The following SAMD8 variants were observed in gnomAD, a reference collection of about 807,000 sequenced individuals.
SAMD8 encodes the protein sterile alpha motif domain containing 8.
In SAMD8, 20 loss-of-function variants were observed where a neutral mutation model predicts 42.0. The ratio of observed to expected loss-of-function variants is 0.48; its 90% CI spans 0.34 to 0.69. The LOEUF is 0.69. SAMD8 is among the 30% of genes least tolerant of loss of function. SAMD8 has a pLI of 0.01. For synonymous variants in SAMD8, 162 were observed against 173.0 expected (o/e 0.94, Z 0.50); for missense variants, 328 against 511.6 (o/e 0.64, Z 3.46).
intron 1 of SAMD8, among the ~76,000 whole-genome samples, chr10:75,115,435 T>TTACATGC (rs1848854590): frequency 6.6e-6 from 1 of 152,168 alleles, no homozygotes; most frequent in Non-Finnish European, 1.5e-5. Flanking sequence ...AGATTGGTGT[T>TTACATGC]TACATGCTAC....
chr10:75,109,361 C>T, upstream of SAMD8: 2 of 481,170 alleles, frequency 4.2e-6, no homozygotes, highest in Non-Finnish European at 3.5e-6. Flanking sequence ...ATCAGAGAGA[C>T]CTCTGCAAGT....
At chr10:75,117,457 G>A (rs901474725) in intron 1 of SAMD8, among the ~76,000 whole-genome samples, 1 of 151,690 alleles carries the variant, frequency 6.6e-6, no homozygotes, top group Non-Finnish European at 1.5e-5. Context: ...GCTCACACCT[G>A]TAATCCTAGC....
chr10:75,174,549 C>T (rs1210737943), intron 4 of SAMD8, among the ~76,000 whole-genome samples: 1 of 151,646 alleles, frequency 6.6e-6, no homozygotes, highest in Non-Finnish European at 1.5e-5. Context: ...ATTTTCCTGC[C>T]TCAGTCTCCT....
intron 1 of SAMD8, among the ~76,000 whole-genome samples, chr10:75,126,657 A>G (rs1331593307): frequency 6.6e-6 from 1 of 150,670 alleles, no homozygotes; most frequent in Non-Finnish European, 1.5e-5. Flanking sequence ...ACGTGCCACC[A>G]CGCTGGCTAA....
intron 1 of SAMD8, among the ~76,000 whole-genome samples, chr10:75,148,305 G>A (rs1840191324): frequency 6.7e-6 from 1 of 150,348 alleles, no homozygotes; most frequent in Non-Finnish European, 1.5e-5. Context: ...CTTCGTGGCA[G>A]GAGTTTATGT....
chr10:75,169,993 A>C (rs920087951), intron 4 of SAMD8, among the ~76,000 whole-genome samples: 9 of 152,204 alleles, frequency 5.9e-5, no homozygotes, highest in Admixed American at 2.0e-4. Flanking sequence ...TTCTGAGATA[A>C]ACAAAATAAT....
chr10:75,173,366 C>T (rs1190852259), intron 4 of SAMD8, among the ~76,000 whole-genome samples: 4 of 152,148 alleles, frequency 2.6e-5, no homozygotes, highest in Non-Finnish European at 4.4e-5. Flanking sequence ...AATAACATGC[C>T]TATTTTTGAA....
chr10:75,142,522 C>T (rs1328555546), intron 1 of SAMD8, among the ~76,000 whole-genome samples: 3 of 152,068 alleles, frequency 2.0e-5, no homozygotes, highest in Non-Finnish European at 4.4e-5. Flanking sequence ...CTGCAACCTC[C>T]GCTTCCCAGG....
Position 75,178,783 on chromosome 10 carries a change from C to T in SAMD8, c.*2091C>T, listed in dbSNP as rs948007342. The T allele has an allele frequency of 2.0e-5, 3 of 152,396 alleles. No homozygotes were observed. The highest frequency in any genetic ancestry group is 4.4e-5 in the Non-Finnish European group (3 of 68,230). The allele number at this position is 152,396 out of a possible 1,614,324, so 9.4% of individuals were successfully genotyped here. A position where few individuals can be genotyped will look rare whatever the true frequency, so the allele number is the denominator to read the frequency against. On this transcript the variant is annotated 3_prime_UTR_variant, in exon 6 of 6. Coordinates refer to ENST00000542569, the MANE Select transcript of SAMD8 (RefSeq NM_001174156.2). ...ATGGCTCACGCCTGTAATCCCAGCA[C>T]TTTGGGAGGCCAAGGCAGGCGGATG...
chr10:75,145,675 G>T (rs1840114181), intron 1 of SAMD8, among the ~76,000 whole-genome samples: 1 of 152,196 alleles, frequency 6.6e-6, no homozygotes, highest in South Asian at 2.1e-4. Flanking sequence ...TGGGGGAGGG[G>T]ATAGTCCTGT....
rs1352852740 is a variant in SAMD8 at position 75,164,703 on chromosome 10, T to C, written c.637T>C (p.Tyr213His). 6.2e-7 allele frequency: 1 copy of C among 1,614,054 alleles called. No individual in the cohort carries two copies. Among genetic ancestry groups the C allele is most frequent in the African/African-American group, 1.3e-5 (1 of 74,946 alleles). ...MTEVCGMILC[Y>H]IWLLVLLLHK... is the part of the protein sequence containing the mutation. ...GGAAGTATGTGGCATGATTCTGTGC[T>C]ATATTTGGCTCCTGGTTCTTCTTCT... The change falls in exon 3 of 6, where the codon TAT (tyrosine) becomes CAT (histidine). Residue 213 changes from tyrosine (Y) to histidine (H), a missense_variant. Physicochemically the swap from Tyr to His is moderately conservative, Grantham distance 83. Around this residue, in one of 2 missense-constraint regions of SAMD8, gnomAD observed 178 missense variants for 325.6 expected, o/e 0.55. Coordinates refer to ENST00000542569, the MANE Select transcript of SAMD8 (RefSeq NM_001174156.2).
In SAMD8 at chr10:75,105,612, C is replaced by T. The variant is rs766813905; in HGVS notation, c.-16+5884C>T. The T allele has an allele frequency of 2.7e-6, 4 of 1,493,974 alleles. No homozygotes were observed. The East Asian group carries it at 9.9e-5, about 37-fold the overall frequency. The allele number at this position is 1,493,974 out of a possible 1,614,324, so 92.5% of individuals were successfully genotyped here. Reference sequence around the variant, plus strand: ...CTATGTCTGCAGCCTAGGCCCTCACCTGGCCTCTTCCGGCCAACCACATCC... The same window carrying T: ...CTATGTCTGCAGCCTAGGCCCTCACTTGGCCTCTTCCGGCCAACCACATCC... On this transcript the variant is annotated intron_variant, in intron 1 of 3. Transcript: ENST00000447533.
chr10:75,152,121 C>A (rs968614399), intron 2 of SAMD8, among the ~76,000 whole-genome samples: 3 of 151,072 alleles, frequency 2.0e-5, no homozygotes, highest in African/African-American at 7.3e-5. Context: ...GTCATATCAC[C>A]AAATGAATTG....
At chr10:75,106,895 A>C (rs1159759959), upstream of SAMD8, among the ~76,000 whole-genome samples, 5 of 152,256 alleles carry the variant, frequency 3.3e-5, no homozygotes, top group Non-Finnish European at 7.3e-5. Flanking sequence ...AGGAAACTGA[A>C]GTCCAGAAAG....
chr10:75,180,877 T>C lies in SAMD8; in HGVS notation c.*4185T>C, dbSNP rs992214650. ...CAAAGTCATATTTATAACACTAGTC[T>C]TCTTTGACTGTATTCAACAAAAGGC... On this transcript the variant is annotated 3_prime_UTR_variant, in exon 6 of 6. Coordinates refer to ENST00000542569, the MANE Select transcript of SAMD8 (RefSeq NM_001174156.2). 6.6e-6 allele frequency: 1 copy of C among 152,236 alleles called. No homozygotes were observed. Among genetic ancestry groups the C allele is most frequent in the Non-Finnish European group, 1.5e-5 (1 of 68,050 alleles). 9.4% of individuals were successfully genotyped at this position (152,236 alleles called of 1,614,324 possible).
In SAMD8 at chr10:75,150,716, G is replaced by A; in HGVS notation, c.188G>A (p.Gly63Glu). 1 of 1,614,046 alleles carries A rather than the reference G, an allele frequency of 6.2e-7. No individual in the cohort carries two copies. The highest frequency in any genetic ancestry group is 8.5e-7 in the Non-Finnish European group (1 of 1,180,000). ...CCTCCTCTGGAAATCAAAGTCTTAG[G>A]GGACATTAAAAGGTTAATGCTCTCA... is the stretch of plus-strand genomic sequence containing the variant. The part of the protein sequence containing the change: ...RSPPLEIKVL[G>E]DIKRLMLSVR... The change falls in exon 2 of 6, where the codon GGG (glycine) becomes GAG (glutamate). Residue 63 changes from glycine to glutamate, a missense_variant. Around this residue, in one of 2 missense-constraint regions of SAMD8, gnomAD observed 150 missense variants for 186.0 expected, o/e 0.81. Coordinates refer to ENST00000542569, the MANE Select transcript of SAMD8 (RefSeq NM_001174156.2).
chr10:75,110,605 G>C (rs1317142697), upstream of SAMD8, among the ~76,000 whole-genome samples: 5 of 152,222 alleles, frequency 3.3e-5, no homozygotes, highest in Non-Finnish European at 5.9e-5. Context: ...AGGGGCTCGT[G>C]TCCAGGTTAC....
intron 1 of SAMD8, among the ~76,000 whole-genome samples, chr10:75,141,965 A>T (rs910012885): frequency 6.6e-6 from 1 of 151,456 alleles, no homozygotes; most frequent in African/African-American, 2.4e-5. Flanking sequence ...TTTTAAAAAA[A>T]TTTTATTTTT....
intron 1 of SAMD8, among the ~76,000 whole-genome samples, chr10:75,121,496 A>T (rs554590342): frequency 8.4e-4 from 128 of 152,228 alleles, no homozygotes; most frequent in Middle Eastern, 3.4e-3. Context: ...AATGTTTCAA[A>T]TTACTTTCTG....
Sources: allele counts gnomAD v4.1 joint callset (sites outside exome capture counted in the v4.1 genomes callset), GRCh38; gene constraint gnomAD v4.1.1; regional missense constraint gnomAD v4.1.1; transcripts MANE v1.5; gene names NCBI Gene and HGNC (gene_info 2026-07-23, HGNC 2026-07-21).